Variants in ACBD3 observed in about 807,000 individuals in gnomAD.
The protein encoded by ACBD3 is acyl-CoA binding domain containing 3, also known as Golgi resident protein GCP60.
In ACBD3, 30 loss-of-function variants were observed where a neutral mutation model predicts 66.9. The observed-to-expected ratio is 0.45, with a 90% CI of 0.34 to 0.61. The LOEUF (loss-of-function observed/expected upper bound fraction) is 0.61, where lower values mean the gene tolerates loss of function less well. Among genes scored for constraint, ACBD3 ranks in the 20% least tolerant of loss-of-function variants. ACBD3 has a pLI of 0.02. For missense variants in ACBD3, 544 were observed against 664.5 expected (o/e 0.82, Z 1.99); for synonymous variants, 278 against 259.8 (o/e 1.07, Z -0.68).
intron 1 of ACBD3, among the ~76,000 whole-genome samples, chr1:226,173,742 CT>C (rs376932679): frequency 4.7e-3 from 599 of 128,448 alleles, no homozygotes; most frequent in Non-Finnish European, 7.1e-3. Flanking sequence ...TAATTTTCTT[CT>C]TTTTTTTTCT....
intron 1 of ACBD3, among the ~76,000 whole-genome samples, chr1:226,170,133 G>C (rs1294604373): frequency 1.4e-5 from 2 of 147,616 alleles, no homozygotes; most frequent in Admixed American, 6.9e-5. Context: ...CTGAGACTGA[G>C]AGTGCATTTT....
At chr1:226,181,050 CCAGT>C (rs1656160664) in intron 1 of ACBD3, among the ~76,000 whole-genome samples, 1 of 151,554 alleles carries the variant, frequency 6.6e-6, no homozygotes, top group African/African-American at 2.4e-5. Flanking sequence ...ATTCCTGAAT[CCAGT>C]CAAAGGAAAG....
At chr1:226,180,906 G>A (rs893892307) in intron 1 of ACBD3, among the ~76,000 whole-genome samples, 5 of 151,840 alleles carry the variant, frequency 3.3e-5, no homozygotes, top group Non-Finnish European at 5.9e-5. Context: ...GGCTGAGGCA[G>A]GAGAATTGCT....
intron 1 of ACBD3, among the ~76,000 whole-genome samples, chr1:226,167,187 C>T (rs543322851): frequency 8.5e-5 from 13 of 152,290 alleles, no homozygotes; most frequent in African/African-American, 2.9e-4. Flanking sequence ...TCCCTTTTAA[C>T]ATGATCATGC....
chr1:226,162,666 T>C (rs1219663), intron 3 of ACBD3, among the ~76,000 whole-genome samples: 31,415 of 152,054 alleles, frequency 0.21, 3,380 homozygotes, highest in South Asian at 0.37. Context: ...GAGTATCAGA[T>C]AAGACACTAT....
At chr1:226,185,287 A>G (rs1251186237) in intron 1 of ACBD3, among the ~76,000 whole-genome samples, 1 of 152,238 alleles carries the variant, frequency 6.6e-6, no homozygotes, top group Admixed American at 6.5e-5. Context: ...GAAAATTTAT[A>G]AAACTTTCAC....
intron 4 of ACBD3, 136 bp from the exon 5 acceptor site, chr1:226,159,494 T>A (rs774075628): frequency 1.4e-6 from 1 of 738,210 alleles, no homozygotes; most frequent in African/African-American, 1.8e-5. Flanking sequence ...CCAATTAGTA[T>A]GTGTTCTGGG....
At chr1:226,154,942 C>T in intron 5 of ACBD3, 109 bp from the exon 6 acceptor site, 1 of 809,038 alleles carries the variant, frequency 1.2e-6, no homozygotes, top group Non-Finnish European at 1.8e-6. Flanking sequence ...AAGTGCTATG[C>T]TCAAGAAATT....
At position 226,164,870 on chromosome 1, in the gene ACBD3, T is replaced by G. The variant is rs1280682604; in HGVS notation, c.488A>C (p.Lys163Thr). 1 of 1,611,108 alleles carries G rather than the reference T, an allele frequency of 6.2e-7. No homozygotes were observed. Among genetic ancestry groups the G allele is most frequent in the African/African-American group, 1.3e-5 (1 of 75,004 alleles). Reference protein sequence around the residue: ...SKEDAMVEFVKLLNRCCHLFS... With the variant: ...SKEDAMVEFVTLLNRCCHLFS... ...GAGATGGCAACACCTATTTAAGAGC[T>G]TGACAAACTCCACCATGGCATCCTC... is the stretch of plus-strand genomic sequence containing the variant. Residue 163 changes from lysine (K) to threonine (T), a missense_variant, in exon 3 of 8, where the codon AAG becomes ACG. Physicochemically the swap from Lys to Thr is moderately conservative, Grantham distance 78 (BLOSUM62 -1). This residue lies in a region of ACBD3 where 383 missense variants were observed against 462.4 expected (regional missense o/e 0.83). Coordinates refer to ENST00000366812, the MANE Select transcript of ACBD3 (RefSeq NM_022735.4).
chr1:226,173,410 TA>T (rs1655909273), intron 1 of ACBD3, among the ~76,000 whole-genome samples: 2 of 152,334 alleles, frequency 1.3e-5, no homozygotes, highest in East Asian at 3.9e-4. Flanking sequence ...CAAACACACA[TA>T]CACATTATCT....
chr1:226,160,794 C>G (rs1434636009), intron 4 of ACBD3, among the ~76,000 whole-genome samples: 1 of 152,194 alleles, frequency 6.6e-6, no homozygotes, highest in Non-Finnish European at 1.5e-5. Context: ...AGTCTCAAAG[C>G]CCTTACTGAG....
At position 226,145,029 on chromosome 1, in the gene ACBD3, C is replaced by T. The variant is rs1279868673; in HGVS notation, c.*1581G>A. 6.6e-6 allele frequency: 1 copy of T among 152,460 alleles called. No homozygotes were observed. Among genetic ancestry groups the T allele is most frequent in the Non-Finnish European group, 1.5e-5 (1 of 68,026 alleles). 9.4% of individuals were successfully genotyped at this position (152,460 alleles called of 1,614,324 possible). On this transcript the variant is annotated 3_prime_UTR_variant, in exon 8 of 8. Transcript: ENST00000366812. ...CAGGAAGTGCCTAACTCCATGGTTT[C>T]TATACCATATGTACATGAAAGCTGA...
In ACBD3 at chr1:226,154,649, T is replaced by C. The variant is rs189746293; in HGVS notation, c.1088A>G (p.Lys363Arg). The C allele has an allele frequency of 1.2e-6, 2 of 1,608,884 alleles. No individual in the cohort carries two copies. The highest frequency in any genetic ancestry group is 1.7e-6 in the Non-Finnish European group (2 of 1,177,610). Reference sequence around the variant, plus strand: ...ACAAACACATATGCAAAACCTACCTTTTGGTCCATTCTCCAGGGCTTCTTC... The same window carrying C: ...ACAAACACATATGCAAAACCTACCTCTTGGTCCATTCTCCAGGGCTTCTTC... ...AAEEALENGP[K>R]ESLPVIAAPS... Residue 363 changes from lysine (K) to arginine (R), a missense_variant and splice_region_variant, in exon 6 of 8, where the codon AAA becomes AGA. By Grantham distance (26) the Lys-to-Arg change is conservative. Coordinates refer to ENST00000366812, the MANE Select transcript of ACBD3 (RefSeq NM_022735.4).
chr1:226,172,715 G>T (rs1206079296), intron 1 of ACBD3, among the ~76,000 whole-genome samples: 1 of 152,058 alleles, frequency 6.6e-6, no homozygotes, highest in Non-Finnish European at 1.5e-5. Context: ...GAGGCTGAAG[G>T]GGGAGGATCA....
At chr1:226,164,419 G>A (rs1411703612) in intron 3 of ACBD3, among the ~76,000 whole-genome samples, 1 of 152,182 alleles carries the variant, frequency 6.6e-6, no homozygotes, top group Non-Finnish European at 1.5e-5. Flanking sequence ...AATGGAGCAT[G>A]AGGATTCTAG....
intron 1 of ACBD3, among the ~76,000 whole-genome samples, chr1:226,166,545 G>C (rs1004080135): frequency 4.0e-5 from 6 of 150,754 alleles, no homozygotes; most frequent in African/African-American, 1.5e-4. Context: ...GAATGCAGTG[G>C]CACAATCACA....
intron 6 of ACBD3, among the ~76,000 whole-genome samples, chr1:226,153,527 C>T (rs1417198121): frequency 1.3e-5 from 2 of 152,164 alleles, no homozygotes; most frequent in Non-Finnish European, 2.9e-5. Flanking sequence ...GACTAGGTCA[C>T]ACTTCCCTGT....
At position 226,166,025 on chromosome 1, in the gene ACBD3, A is replaced by G. The variant is rs781702827; in HGVS notation, c.287-25T>C. On this transcript the variant is annotated intron_variant, in intron 1 of 7. Transcript: ENST00000366812. Reference sequence around the variant, plus strand: ...TCTATAAGAAAAAGAAACACAAAGAAAACAATTAGCACAGGCAAAATACAT... The same window carrying G: ...TCTATAAGAAAAAGAAACACAAAGAGAACAATTAGCACAGGCAAAATACAT... 5.6e-6 allele frequency: 9 copies of G among 1,597,064 alleles called. No individual in the cohort carries two copies. In the Admixed American group the frequency reaches 1.1e-4, roughly 19 times the overall value.
At chr1:226,150,095 C>T (rs1422625434) in intron 7 of ACBD3, among the ~76,000 whole-genome samples, 3 of 144,974 alleles carry the variant, frequency 2.1e-5, no homozygotes, top group African/African-American at 5.1e-5. Flanking sequence ...CTAGCTCTGT[C>T]GCTCGGGCTG....
Sources: allele counts gnomAD v4.1 joint callset (sites outside exome capture counted in the v4.1 genomes callset), GRCh38; gene constraint gnomAD v4.1.1; regional missense constraint gnomAD v4.1.1; transcripts MANE v1.5; gene names NCBI Gene and HGNC (gene_info 2026-07-23, HGNC 2026-07-21).